Variants in ZFAND3 observed in about 807,000 individuals in gnomAD.
ZFAND3 encodes the protein AN1-type zinc finger protein 3.
Under a neutral mutation model 29.6 loss-of-function variants are expected in ZFAND3, and 10 were observed. The observed-to-expected ratio is 0.34, with a 90% CI of 0.21 to 0.57. The LOEUF (loss-of-function observed/expected upper bound fraction) is 0.57. Among genes scored for constraint, ZFAND3 ranks in the 20% least tolerant of loss-of-function variants. ZFAND3 has a pLI of 0.86. For missense variants in ZFAND3, 230 were observed against 304.5 expected (o/e 0.76, Z 1.82); for synonymous variants, 128 against 112.6 (o/e 1.14, Z -0.87).
At chr6:37,942,375 G>A (rs935148767) in intron 2 of ZFAND3, among the ~76,000 whole-genome samples, 2 of 151,990 alleles carry the variant, frequency 1.3e-5, no homozygotes, top group African/African-American at 2.4e-5. Flanking sequence ...CATTAAAAAT[G>A]TACTTTTTTC....
chr6:38,151,105 G>A (rs1178401374), intron 5 of ZFAND3, among the ~76,000 whole-genome samples: 1 of 152,172 alleles, frequency 6.6e-6, no homozygotes, highest in African/African-American at 2.4e-5. Context: ...CGTATCGGCC[G>A]CTCTAGAGAT....
chr6:38,082,343 G>A lies in ZFAND3; in HGVS notation c.296-49G>A, dbSNP rs749165946. 3.3e-6 allele frequency: 5 copies of A among 1,518,656 alleles called. No homozygotes were observed. The East Asian group carries it at 1.1e-4, about 34-fold the overall frequency. The allele number at this position is 1,518,656 out of a possible 1,614,324, so 94.1% of individuals were successfully genotyped here. On this transcript the variant is annotated intron_variant, in intron 3 of 5. Transcript: ENST00000287218. ...TTTACTCAGGAAAGCAACTATATGG[G>A]CATGTAAAGGATGTGTCCTGACTGA...
intron 2 of ZFAND3, among the ~76,000 whole-genome samples, chr6:37,960,415 A>G (rs1184487755): frequency 6.6e-6 from 1 of 152,226 alleles, no homozygotes; most frequent in Admixed American, 6.5e-5. Flanking sequence ...AAACATTCAT[A>G]TACATATACA....
chr6:38,121,846 C>G (rs898903867), intron 5 of ZFAND3, among the ~76,000 whole-genome samples: 1 of 152,162 alleles, frequency 6.6e-6, no homozygotes, highest in African/African-American at 2.4e-5. Context: ...CCCCTTGCAC[C>G]TATAAACCAA....
chr6:37,950,371 G>A (rs201948388), intron 2 of ZFAND3, among the ~76,000 whole-genome samples: 3 of 107,042 alleles, frequency 2.8e-5, no homozygotes, highest in African/African-American at 1.0e-4. Flanking sequence ...TAATGTTTTT[G>A]TTGACTTGTT....
chr6:37,928,708 G>A (rs2127412125), intron 1 of ZFAND3, among the ~76,000 whole-genome samples: 1 of 152,222 alleles, frequency 6.6e-6, no homozygotes, highest in Middle Eastern at 3.4e-3. Context: ...TAGACATGGG[G>A]TTTTGTCATG....
At chr6:37,999,239 T>C (rs7739801) in intron 2 of ZFAND3, among the ~76,000 whole-genome samples, 12,640 of 152,256 alleles carry the variant, frequency 0.083, 733 homozygotes, top group East Asian at 0.3. Context: ...TAACAAGTTG[T>C]AACCCGAAAT....
intron 2 of ZFAND3, among the ~76,000 whole-genome samples, chr6:37,952,696 C>T (rs1051009302): frequency 6.6e-6 from 1 of 152,072 alleles, no homozygotes; most frequent in African/African-American, 2.4e-5. Context: ...ATTCTAGGTC[C>T]ATAGTGAGAG....
At chr6:37,959,697 A>G (rs1354021643) in intron 2 of ZFAND3, among the ~76,000 whole-genome samples, 3 of 152,226 alleles carry the variant, frequency 2.0e-5, no homozygotes, top group African/African-American at 7.2e-5. Flanking sequence ...CATATGGACA[A>G]GCATTTTCTG....
chr6:37,895,396 G>A (rs1433805853), intron 1 of ZFAND3, among the ~76,000 whole-genome samples: 2 of 148,020 alleles, frequency 1.4e-5, no homozygotes, highest in Non-Finnish European at 1.5e-5. Context: ...GTGCAGTGAC[G>A]TGATCTCCGC....
At chr6:38,070,885 G>A (rs1040104299) in intron 3 of ZFAND3, among the ~76,000 whole-genome samples, 1 of 151,398 alleles carries the variant, frequency 6.6e-6, no homozygotes, top group Non-Finnish European at 1.5e-5. Context: ...TAATAAGTTG[G>A]GCAAAAGAAT....
At chr6:37,993,292 C>T (rs577818300) in intron 2 of ZFAND3, among the ~76,000 whole-genome samples, 2 of 151,824 alleles carry the variant, frequency 1.3e-5, no homozygotes, top group East Asian at 3.9e-4. Context: ...GATTTCTGTT[C>T]GCCTTTAAAA....
intron 1 of ZFAND3, among the ~76,000 whole-genome samples, chr6:37,825,565 T>C (rs1286323222): frequency 6.6e-6 from 1 of 152,160 alleles, no homozygotes; most frequent in African/African-American, 2.4e-5. Flanking sequence ...TTCTATTGGT[T>C]TGAGGCAATA....
At chr6:38,028,683 A>C (rs537842048) in intron 2 of ZFAND3, among the ~76,000 whole-genome samples, 2 of 152,322 alleles carry the variant, frequency 1.3e-5, no homozygotes, top group African/African-American at 4.8e-5. Context: ...GTAGCAACAA[A>C]ATAAGCTCAA....
intron 1 of ZFAND3, among the ~76,000 whole-genome samples, chr6:37,922,308 A>T (rs1303429264): frequency 6.6e-6 from 1 of 152,210 alleles, no homozygotes; most frequent in African/African-American, 2.4e-5. Context: ...AAATTGGGGA[A>T]AAACAATTAT....
intron 2 of ZFAND3, among the ~76,000 whole-genome samples, chr6:38,044,967 C>T (rs1763867581): frequency 6.6e-6 from 1 of 151,972 alleles, no homozygotes; most frequent in Non-Finnish European, 1.5e-5. Flanking sequence ...TTCAACTCCT[C>T]CTGTTTTTAG....
At chr6:37,959,845 T>C (rs1414310781) in intron 2 of ZFAND3, among the ~76,000 whole-genome samples, 1 of 152,216 alleles carries the variant, frequency 6.6e-6, no homozygotes, top group Non-Finnish European at 1.5e-5. Flanking sequence ...TTGAGAACAC[T>C]TATCACCTAA....
chr6:38,133,454 G>A (rs1213293999), intron 5 of ZFAND3, among the ~76,000 whole-genome samples: 2 of 152,086 alleles, frequency 1.3e-5, no homozygotes, highest in South Asian at 4.1e-4. Context: ...ACTCTTAAGA[G>A]CATTGTTGGA....
chr6:38,103,348 G>A (rs911747953), intron 4 of ZFAND3, among the ~76,000 whole-genome samples: 2 of 143,634 alleles, frequency 1.4e-5, no homozygotes, highest in South Asian at 2.2e-4. Context: ...GTGTGTGTAT[G>A]TATATATATA....
Sources: allele counts gnomAD v4.1 joint callset (sites outside exome capture counted in the v4.1 genomes callset), GRCh38; gene constraint gnomAD v4.1.1; transcripts MANE v1.5; gene names NCBI Gene and HGNC (gene_info 2026-07-23, HGNC 2026-07-21).